Variants in CNTNAP2 observed in about 807,000 individuals in gnomAD.
The protein encoded by CNTNAP2 is contactin-associated protein-like 2.
In CNTNAP2, 98 loss-of-function variants were observed where a neutral mutation model predicts 155.2. The observed-to-expected ratio is 0.63, with a 90% CI of 0.54 to 0.75. The LOEUF is 0.75. Ranked by LOEUF, CNTNAP2 falls within the 30% of genes least tolerant of loss-of-function variation. The pLI, the probability that CNTNAP2 is intolerant of heterozygous loss-of-function variation, is 0.00. For synonymous variants in CNTNAP2, 651 were observed against 631.2 expected (o/e 1.03, Z -0.47); for missense variants, 1,727 against 1,688.1 (o/e 1.02, Z -0.40).
intron 1 of CNTNAP2, among the ~76,000 whole-genome samples, chr7:146,506,672 G>A (rs1308826911): frequency 2.4e-4 from 37 of 152,232 alleles, no homozygotes; most frequent in Non-Finnish European, 2.6e-4. Flanking sequence ...GTAACTTTCA[G>A]GTAGTTAACC....
At chr7:146,504,407 T>A (rs373239936) in intron 1 of CNTNAP2, among the ~76,000 whole-genome samples, 30 of 152,308 alleles carry the variant, frequency 2.0e-4, no homozygotes, top group African/African-American at 7.0e-4. Flanking sequence ...CTATGTTTTG[T>A]TGATTGTCAG....
chr7:146,150,447 AAT>A (rs1798020331), intron 1 of CNTNAP2, among the ~76,000 whole-genome samples: 1 of 152,146 alleles, frequency 6.6e-6, no homozygotes, highest in African/African-American at 2.4e-5. Flanking sequence ...GACTTGTAAA[AAT>A]ATGTTTTTAA....
At chr7:147,320,273 C>T (rs917189052) in intron 9 of CNTNAP2, among the ~76,000 whole-genome samples, 8 of 152,060 alleles carry the variant, frequency 5.3e-5, no homozygotes, top group South Asian at 2.1e-4. Flanking sequence ...TCCTGTCAGC[C>T]AGAGCTTAGT....
At chr7:146,543,297 A>G (rs1405175) in intron 1 of CNTNAP2, among the ~76,000 whole-genome samples, 5,023 of 152,026 alleles carry the variant, frequency 0.033, 291 homozygotes, top group African/African-American at 0.11. Context: ...CATTTTTTAA[A>G]TTACATGATG....
At chr7:146,977,603 G>A (rs1797936352) in intron 3 of CNTNAP2, among the ~76,000 whole-genome samples, 1 of 152,146 alleles carries the variant, frequency 6.6e-6, no homozygotes, top group African/African-American at 2.4e-5. Context: ...AATCATGACA[G>A]GGTAAATTAA....
chr7:147,402,914 G>A (rs755970091), intron 10 of CNTNAP2, among the ~76,000 whole-genome samples: 1 of 140,470 alleles, frequency 7.1e-6, no homozygotes, highest in Non-Finnish European at 1.5e-5. Context: ...ACTGACTGAT[G>A]AACCCTCCCC....
At chr7:148,080,619 A>AAAAAG (rs1158251793) in intron 15 of CNTNAP2, among the ~76,000 whole-genome samples, 66 of 150,290 alleles carry the variant, frequency 4.4e-4, no homozygotes, top group Non-Finnish European at 6.5e-4. Context: ...AAAAAAAAAA[A>AAAAAG]AAAAGAAAAG....
At position 147,628,659 on chromosome 7, in the gene CNTNAP2, T is replaced by C. The variant is rs1584866278; in HGVS notation, c.1898-10447T>C. ...TGTTGAACGTAAATGGCCTAAATTC[T>C]CCAATTAAAAGATATAGAATGGCAG... On this transcript the variant is annotated intron_variant, in intron 12 of 23. Transcript: ENST00000361727. Among the ~76,000 whole-genome samples the C allele has an allele frequency of 6.6e-5, 10 of 151,958 alleles. No homozygotes were observed. The South Asian group carries it at 2.1e-3, about 32-fold the overall frequency.
intron 3 of CNTNAP2, among the ~76,000 whole-genome samples, chr7:146,915,584 G>A (rs1431593071): frequency 1.3e-5 from 2 of 151,886 alleles, no homozygotes; most frequent in African/African-American, 4.8e-5. Context: ...TGTTTTTGCA[G>A]CTATCGTAAA....
chr7:147,712,002 G>A (rs111325690), intron 13 of CNTNAP2, among the ~76,000 whole-genome samples: 1,592 of 152,190 alleles, frequency 0.01, 20 homozygotes, highest in African/African-American at 0.036. Flanking sequence ...CCACAATCTG[G>A]CTCTATCCTC....
At position 146,845,389 on chromosome 7, in the gene CNTNAP2, T is replaced by G. The variant is rs191783099; in HGVS notation, c.402+5485T>G. Among the ~76,000 whole-genome samples the G allele has an allele frequency of 3.4e-3, 522 of 152,360 alleles. 5 individuals carry two copies. The highest frequency in any genetic ancestry group is 0.031 in the Middle Eastern group (9 of 294). ...TGTTTGTTTTATAAACTTGGAGATC[T>G]GACTTTATTTCTCTGTTCCTGAAAT... On this transcript the variant is annotated intron_variant, in intron 3 of 23. Coordinates refer to ENST00000361727, the MANE Select transcript of CNTNAP2 (RefSeq NM_014141.6).
chr7:148,364,680 C>A (rs554601374), intron 21 of CNTNAP2, among the ~76,000 whole-genome samples: 2 of 152,308 alleles, frequency 1.3e-5, no homozygotes, highest in Non-Finnish European at 2.9e-5. Flanking sequence ...TTGTATCTAG[C>A]TCAGGGATTG....
At chr7:146,925,549 A>G (rs2129221166) in intron 3 of CNTNAP2, among the ~76,000 whole-genome samples, 1 of 152,184 alleles carries the variant, frequency 6.6e-6, no homozygotes, top group Admixed American at 6.5e-5. Flanking sequence ...ATATTATGTT[A>G]ATTATGTTGT....
At chr7:146,363,461 C>G (rs1795113199) in intron 1 of CNTNAP2, among the ~76,000 whole-genome samples, 1 of 152,148 alleles carries the variant, frequency 6.6e-6, no homozygotes, top group Non-Finnish European at 1.5e-5. Flanking sequence ...TTAGAACACC[C>G]AGGACTGAGC....
intron 21 of CNTNAP2, among the ~76,000 whole-genome samples, chr7:148,329,882 G>C (rs965665749): frequency 6.6e-6 from 1 of 152,322 alleles, no homozygotes; most frequent in African/African-American, 2.4e-5. Flanking sequence ...GCCAGGGCCT[G>C]CCCCAGAGCT....
intron 18 of CNTNAP2, among the ~76,000 whole-genome samples, chr7:148,191,281 C>G (rs1035185757): frequency 6.6e-6 from 1 of 151,994 alleles, no homozygotes; most frequent in Non-Finnish European, 1.5e-5. Flanking sequence ...TCTCCCTCTC[C>G]TCTTTCCTCT....
At position 147,903,707 on chromosome 7, in the gene CNTNAP2, G is replaced by A. The variant is rs758102050; in HGVS notation, c.2241G>A (p.Ala747=). Residue 747 remains alanine, a synonymous_variant, in exon 14 of 24, where the codon GCG becomes GCA. Transcript: ENST00000361727. ...CCAAGTACTACTGTAACTGCGACGC[G>A]GACTACAAGCAATGGTGAGTGCCTG... ...TDPKYYCNCD[A]DYKQWRKDAG... 24 of 1,613,678 alleles carry A rather than the reference G, an allele frequency of 1.5e-5. No homozygotes were observed. In the East Asian group the frequency reaches 2.2e-4, roughly 15 times the overall value.
At chr7:147,814,031 G>A (rs566508134) in intron 13 of CNTNAP2, among the ~76,000 whole-genome samples, 3 of 151,946 alleles carry the variant, frequency 2.0e-5, no homozygotes, top group Non-Finnish European at 4.4e-5. Flanking sequence ...AAATGTTCTC[G>A]GTAAGATAAT....
At chr7:146,493,136 G>C (rs1409414980) in intron 1 of CNTNAP2, among the ~76,000 whole-genome samples, 2 of 152,182 alleles carry the variant, frequency 1.3e-5, no homozygotes, top group Non-Finnish European at 2.9e-5. Flanking sequence ...TTTGAGATCA[G>C]TATTGAACAT....
Sources: gnomAD v4.1 joint callset for allele counts (sites outside exome capture counted in the v4.1 genomes callset) on GRCh38, gnomAD v4.1.1 for gene constraint, MANE v1.5 for transcripts, NCBI Gene and HGNC (gene_info 2026-07-23, HGNC 2026-07-21) for gene names.